The following HMCN1 variants were observed in gnomAD, a reference collection of about 807,000 sequenced individuals.
HMCN1 encodes the protein hemicentin 1, also known as hemicentin-1.
Under a neutral mutation model 625.9 loss-of-function variants are expected in HMCN1, and 321 were observed. The observed-to-expected ratio is 0.51, with a 90% CI of 0.47 to 0.56. The LOEUF is 0.56. Among genes scored for constraint, HMCN1 ranks in the 20% least tolerant of loss-of-function variants. The pLI, the probability that HMCN1 is intolerant of heterozygous loss-of-function variation, is 0.00. For missense variants in HMCN1, 6,588 were observed against 6,887.3 expected, an observed-to-expected ratio of 0.96 and a Z score of 1.54; for synonymous variants, 2,425 against 2,417.6, an observed-to-expected ratio of 1.00 and a Z score of -0.09.
chr1:185,828,346 A>G (rs1660651439), intron 1 of HMCN1, among the ~76,000 whole-genome samples: 1 of 152,170 alleles, frequency 6.6e-6, no homozygotes, highest in African/African-American at 2.4e-5. Flanking sequence ...ATGTTAAACA[A>G]AACAAAAATA....
intron 67 of HMCN1, 50 bp downstream of exon 67, chr1:186,094,423 C>A: frequency 1.5e-6 from 2 of 1,342,356 alleles, no homozygotes; most frequent in Non-Finnish European, 2.1e-6. Flanking sequence ...AAGTATTAAG[C>A]AACAGACTTA....
intron 14 of HMCN1, among the ~76,000 whole-genome samples, chr1:185,967,391 G>C (rs192792989): frequency 3.9e-5 from 6 of 152,142 alleles, no homozygotes; most frequent in African/African-American, 1.4e-4. Context: ...TTTACTCTCT[G>C]TTTCTTATCT....
Position 186,178,719 on chromosome 1 carries a change from G to A in HMCN1, c.16247G>A (p.Arg5416Lys), listed in dbSNP as rs1652753599. ...CTCTCCAGGACTAGAAGGACTATTA[G>A]GAAAACTTGCCCTGAAGGCTCTGAG... Reference protein sequence around the residue: ...TSLSRTRRTIRKTCPEGSEAS... With the variant: ...TSLSRTRRTIKKTCPEGSEAS... Residue 5416 changes from arginine (R) to lysine (K), a missense_variant, in exon 104 of 107, where the codon AGG (arginine) becomes AAG (lysine). Transcript: ENST00000271588. The A allele has an allele frequency of 6.2e-7, 1 of 1,613,984 alleles. No individual in the cohort carries two copies.
chr1:186,115,552 A>G, intron 75 of HMCN1, 138 bp downstream of exon 75: 1 of 802,024 alleles, frequency 1.2e-6, no homozygotes, highest in South Asian at 1.5e-5. Context: ...TTTCCTTAAT[A>G]TGGACTTAGT....
chr1:185,893,709 A>G (rs1368182649), intron 4 of HMCN1, among the ~76,000 whole-genome samples: 2 of 152,212 alleles, frequency 1.3e-5, no homozygotes, highest in Non-Finnish European at 2.9e-5. Context: ...TAAACTTGAC[A>G]AATATAAAAA....
chr1:185,870,052 T>G (rs1432524754), intron 4 of HMCN1, among the ~76,000 whole-genome samples: 1 of 151,434 alleles, frequency 6.6e-6, no homozygotes, highest in Non-Finnish European at 1.5e-5. Flanking sequence ...AAAACAATGA[T>G]TAAGTAGAAG....
intron 97 of HMCN1, among the ~76,000 whole-genome samples, chr1:186,158,809 A>G (rs1651223415): frequency 6.6e-6 from 1 of 152,104 alleles, no homozygotes; most frequent in South Asian, 2.1e-4. Flanking sequence ...CTGTTTTGGT[A>G]CCAGTACCAT....
intron 101 of HMCN1, 47 bp from the exon 102 acceptor site, chr1:186,171,959 G>T: frequency 1.3e-6 from 2 of 1,581,362 alleles, no homozygotes; most frequent in South Asian, 2.2e-5. Context: ...TGGAAAAGTT[G>T]AATAAATAAT....
At chr1:185,888,306 A>G (rs1190834986) in intron 4 of HMCN1, among the ~76,000 whole-genome samples, 2 of 135,468 alleles carry the variant, frequency 1.5e-5, no homozygotes, top group Admixed American at 7.0e-5. Flanking sequence ...GAAGCTCTTT[A>G]GTTTAATTAG....
chr1:186,175,426 G>A (rs957881667), intron 103 of HMCN1, among the ~76,000 whole-genome samples: 1 of 152,048 alleles, frequency 6.6e-6, no homozygotes, highest in Non-Finnish European at 1.5e-5. Flanking sequence ...AAAAGACTTA[G>A]CTCTGTCTTT....
At chr1:186,084,102 C>T (rs1295243423) in intron 57 of HMCN1, among the ~76,000 whole-genome samples, 2 of 152,030 alleles carry the variant, frequency 1.3e-5, no homozygotes. Context: ...TTGTAAATAC[C>T]CCAATTGTAG....
At chr1:185,786,066 A>G (rs917405565) in intron 1 of HMCN1, among the ~76,000 whole-genome samples, 4 of 152,224 alleles carry the variant, frequency 2.6e-5, no homozygotes, top group Non-Finnish European at 5.9e-5. Flanking sequence ...TACTGCATGT[A>G]TATCTCAGGG....
At chr1:185,780,734 G>T (rs536776159) in intron 1 of HMCN1, among the ~76,000 whole-genome samples, 274 of 152,306 alleles carry the variant, frequency 1.8e-3, no homozygotes, top group Non-Finnish European at 2.9e-3. Context: ...TTGATGTGCT[G>T]CTGGATTCGG....
chr1:185,737,628 C>A (rs1283355577), intron 1 of HMCN1, among the ~76,000 whole-genome samples: 2 of 151,968 alleles, frequency 1.3e-5, no homozygotes, highest in African/African-American at 4.8e-5. Flanking sequence ...TTTCATAGTG[C>A]CTAACACATA....
At chr1:185,744,023 C>G (rs981102720) in intron 1 of HMCN1, among the ~76,000 whole-genome samples, 35 of 126,630 alleles carry the variant, frequency 2.8e-4, no homozygotes, top group Non-Finnish European at 4.9e-4. Flanking sequence ...GAGTCTCACT[C>G]TGTCTCCCAG....
At chr1:185,902,762 C>T (rs192416608) in intron 4 of HMCN1, among the ~76,000 whole-genome samples, 2 of 151,354 alleles carry the variant, frequency 1.3e-5, no homozygotes, top group South Asian at 2.1e-4. Flanking sequence ...AGGTAGCCAG[C>T]GATAAGACCA....
intron 1 of HMCN1, among the ~76,000 whole-genome samples, chr1:185,771,428 T>A (rs1162934841): frequency 6.6e-6 from 1 of 152,190 alleles, no homozygotes; most frequent in Non-Finnish European, 1.5e-5. Context: ...TGCACATATG[T>A]AACAGACCCT....
At position 185,887,324 on chromosome 1, in the gene HMCN1, T is replaced by C. The variant is rs1664726405; in HGVS notation, c.621+21461T>C. Among the ~76,000 whole-genome samples the C allele has an allele frequency of 1.3e-5, 2 of 152,036 alleles. 1 individual carries two copies. The highest frequency in any genetic ancestry group is 4.8e-5 in the African/African-American group (2 of 41,372). ...TTTATTTATTTATTTTTTATTATTA[T>C]ACTTTAAGTTTTAGGGTACATGTGC... On this transcript the variant is annotated intron_variant, in intron 4 of 106. Transcript: ENST00000271588.
chr1:185,809,480 CAT>C (rs1189120013), intron 1 of HMCN1, among the ~76,000 whole-genome samples: 2 of 151,384 alleles, frequency 1.3e-5, no homozygotes, highest in Non-Finnish European at 2.9e-5. Flanking sequence ...CATGTGATTA[CAT>C]ATATATATCA....
Sources: allele counts gnomAD v4.1 joint callset (sites outside exome capture counted in the v4.1 genomes callset), GRCh38; gene constraint gnomAD v4.1.1; transcripts MANE v1.5; gene names NCBI Gene and HGNC (gene_info 2026-07-23, HGNC 2026-07-21).